ZDHHC21: variants seen among roughly 807,000 people sequenced by gnomAD.
ZDHHC21 encodes zDHHC palmitoyltransferase 21.
ZDHHC21 carries 15 observed loss-of-function variants against 34.6 expected under a neutral mutation model. The observed-to-expected ratio is 0.43, with a 90% CI of 0.29 to 0.67. The LOEUF (loss-of-function observed/expected upper bound fraction) is 0.67. ZDHHC21 is among the 30% of genes least tolerant of loss of function. ZDHHC21 has a pLI of 0.14. For missense variants in ZDHHC21, 344 were observed against 327.7 expected (o/e 1.05, Z -0.38); for synonymous variants, 142 against 101.8 (o/e 1.40, Z -2.38).
At chr9:14,691,292 G>A (rs966296393) in intron 1 of ZDHHC21, among the ~76,000 whole-genome samples, 10 of 152,088 alleles carry the variant, frequency 6.6e-5, no homozygotes, top group African/African-American at 2.2e-4. Context: ...AGAGGTTTTC[G>A]GGAAAATGGC....
intron 8 of ZDHHC21, among the ~76,000 whole-genome samples, chr9:14,623,603 G>C (rs74966743): frequency 0.019 from 2,793 of 148,706 alleles, 52 homozygotes; most frequent in South Asian, 0.11. Flanking sequence ...TCTGACAAGG[G>C]GTTAATACCC....
In ZDHHC21 at chr9:14,683,060, C is replaced by T. The variant is rs973885098; in HGVS notation, c.-175-2898G>A. The stretch of plus-strand genomic sequence containing the variant: ...AGTGTGTAGAGCGAAATTTATAGCA[C>T]TAAATGCCCACAAGAGAAAGCAGGG... On this transcript the variant is annotated intron_variant, in intron 2 of 9. Transcript: ENST00000380916. Among the ~76,000 whole-genome samples the T allele has an allele frequency of 7.9e-5, 12 of 151,878 alleles. 1 individual carries two copies. The highest frequency in any genetic ancestry group is 2.4e-4 in the African/African-American group (10 of 41,328).
rs1832834750 is a variant in ZDHHC21, at chr9:14,658,812, G to A, written c.441C>T (p.Cys147=). 6.2e-7 allele frequency: 1 copy of A among 1,613,684 alleles called. No homozygotes were observed. The highest frequency in any genetic ancestry group is 1.3e-5 in the African/African-American group (1 of 74,854). The change falls in exon 7 of 10, where the codon TGC becomes TGT. Residue 147 remains cysteine, a synonymous_variant. Transcript: ENST00000380916. Reference sequence around the variant, plus strand: ...GGCAGAAAGAAAACATCAGTGCGTAGCAAGTAAGAAGTTCAGTGTAGAAAC... The same window carrying A: ...GGCAGAAAGAAAACATCAGTGCGTAACAAGTAAGAAGTTCAGTGTAGAAAC... ...QLCFYTELLT[C]YALMFSFCHY... is the part of the protein sequence containing the mutation.
rs550172653 is a variant in ZDHHC21 at position 14,693,144 on chromosome 9, G to A, written c.-225+85C>T. The A allele has an allele frequency of 9.7e-4, 223 of 228,864 alleles. 5 individuals are homozygous for A. Among genetic ancestry groups the A allele is most frequent in the South Asian group, 9.1e-3 (223 of 24,456 alleles). 14.2% of individuals were successfully genotyped at this position (228,864 alleles called of 1,614,324 possible). On this transcript the variant is annotated intron_variant, in intron 1 of 9. Coordinates refer to ENST00000380916, the MANE Select transcript of ZDHHC21 (RefSeq NM_178566.6). ...GAGCGGCGGGCGGGCCCGGCAGAGC[G>A]GAGCGGGGGCCGGGGATGGGGGTGG...
At chr9:14,682,808 G>A (rs371255496) in intron 2 of ZDHHC21, among the ~76,000 whole-genome samples, 107 of 152,304 alleles carry the variant, frequency 7.0e-4, no homozygotes, top group African/African-American at 2.4e-3. Context: ...CTCAGCAAAT[G>A]TGAAAGAACA....
the ZDHHC21 span, among the ~76,000 whole-genome samples, chr9:14,604,782 G>A: frequency 6.6e-6 from 1 of 151,964 alleles, no homozygotes; most frequent in African/African-American, 2.4e-5. Context: ...TAAGTATAGT[G>A]CAGTACTATA....
At chr9:14,608,394 A>G (rs1181656439), downstream of ZDHHC21, among the ~76,000 whole-genome samples, 1 of 152,160 alleles carries the variant, frequency 6.6e-6, no homozygotes, top group Non-Finnish European at 1.5e-5. Context: ...CTACAATTAA[A>G]CTTACTACTA....
At chr9:14,643,749 AT>A (rs1351743926) in intron 7 of ZDHHC21, among the ~76,000 whole-genome samples, 5 of 152,316 alleles carry the variant, frequency 3.3e-5, no homozygotes, top group East Asian at 3.9e-4. Context: ...CTTTTTGTAT[AT>A]GAATATTCAA....
intron 8 of ZDHHC21, among the ~76,000 whole-genome samples, chr9:14,628,255 T>TCA (rs1826662042): frequency 6.6e-6 from 1 of 152,168 alleles, no homozygotes; most frequent in South Asian, 2.1e-4. Flanking sequence ...TTTATCTGGG[T>TCA]CACAGATAAT....
chr9:14,623,286 G>C (rs964279764), intron 8 of ZDHHC21, among the ~76,000 whole-genome samples: 1 of 152,172 alleles, frequency 6.6e-6, no homozygotes, highest in Non-Finnish European at 1.5e-5. Flanking sequence ...GCCAAGGCAG[G>C]TGGATTGCTT....
chr9:14,640,715 T>C (rs1341074688), intron 7 of ZDHHC21, among the ~76,000 whole-genome samples: 2 of 152,130 alleles, frequency 1.3e-5, no homozygotes, highest in Non-Finnish European at 2.9e-5. Flanking sequence ...TGATACATTT[T>C]ATAACAGGGA....
the ZDHHC21 span, among the ~76,000 whole-genome samples, chr9:14,594,558 C>T: frequency 6.6e-6 from 1 of 152,084 alleles, no homozygotes; most frequent in Non-Finnish European, 1.5e-5. Flanking sequence ...TAAAAATTAA[C>T]TCAAAATGGA....
chr9:14,613,813 C>T lies in ZDHHC21; in HGVS notation c.*5153G>A, dbSNP rs1433465034. The T allele has an allele frequency of 6.6e-6, 1 of 151,662 alleles. No homozygotes were observed. The highest frequency in any genetic ancestry group is 1.5e-5 in the Non-Finnish European group (1 of 67,754). The allele number at this position is 151,662 out of a possible 1,614,324, so 9.4% of individuals were successfully genotyped here. ...TCTTTTCTTTGCAATAAGAGATTTCCAGAAAAGGTGCCAGTTTTTTCAAAC... is the reference window on the plus strand; with the variant it reads ...TCTTTTCTTTGCAATAAGAGATTTCTAGAAAAGGTGCCAGTTTTTTCAAAC... On this transcript the variant is annotated 3_prime_UTR_variant, in exon 10 of 10. Transcript: ENST00000380916.
chr9:14,684,856 T>C (rs1022349047), intron 2 of ZDHHC21, among the ~76,000 whole-genome samples: 1 of 152,028 alleles, frequency 6.6e-6, no homozygotes, highest in African/African-American at 2.4e-5. Context: ...AAAACAGAGA[T>C]ACAGACCAAT....
rs757584864 is a variant in ZDHHC21 at position 14,619,110 on chromosome 9, A to G, written c.666-12T>C. ...TTCGGGGCCTCGATCTACAGAAGAC[A>G]GCATTATTAGTGAAAGACAGCACTC... is the stretch of plus-strand genomic sequence containing the variant. On this transcript the variant is annotated splice_polypyrimidine_tract_variant and intron_variant, in intron 9 of 9. Transcript: ENST00000380916. 5 of 1,592,416 alleles carry G rather than the reference A, an allele frequency of 3.1e-6. No homozygotes were observed. The highest frequency in any genetic ancestry group is 2.0e-4 in the Middle Eastern group (1 of 4,950).
intron 8 of ZDHHC21, among the ~76,000 whole-genome samples, chr9:14,638,416 C>A (rs987921999): frequency 1.3e-5 from 2 of 151,916 alleles, no homozygotes; most frequent in South Asian, 2.1e-4. Context: ...AAGACTTAAA[C>A]ATAAAACCTA....
At chr9:14,626,607 C>T (rs1236012393) in intron 8 of ZDHHC21, among the ~76,000 whole-genome samples, 1 of 151,718 alleles carries the variant, frequency 6.6e-6, no homozygotes, top group African/African-American at 2.4e-5. Context: ...TAAAGAGTAG[C>T]CCAATTCCAC....
intron 7 of ZDHHC21, among the ~76,000 whole-genome samples, chr9:14,640,308 G>GAA (rs1184446076): frequency 7.8e-5 from 10 of 128,374 alleles, no homozygotes; most frequent in African/African-American, 3.0e-4. Flanking sequence ...CTATTTTGGG[G>GAA]AAAAAAAAAA....
intron 3 of ZDHHC21, among the ~76,000 whole-genome samples, chr9:14,675,657 T>A (rs866004253): frequency 6.6e-6 from 1 of 151,824 alleles, no homozygotes; most frequent in Admixed American, 6.6e-5. Context: ...GATACAATGA[T>A]GAAGAAGACA....
Sources: gnomAD v4.1 joint callset for allele counts (sites outside exome capture counted in the v4.1 genomes callset) on GRCh38, gnomAD v4.1.1 for gene constraint, MANE v1.5 for transcripts, NCBI Gene and HGNC (gene_info 2026-07-23, HGNC 2026-07-21) for gene names.